STXBP6: variants seen among roughly 807,000 people sequenced by gnomAD.
STXBP6 encodes syntaxin-binding protein 6.
Under a neutral mutation model 26.9 loss-of-function variants are expected in STXBP6, and 21 were observed. That is an observed-to-expected ratio of 0.78 (90% CI 0.55 to 1.12). The LOEUF (loss-of-function observed/expected upper bound fraction) is 1.12, where lower values mean the gene tolerates loss of function less well. STXBP6 is among the 50% of genes most tolerant of loss of function. STXBP6 has a pLI of 0.00. For synonymous variants in STXBP6, 97 were observed against 92.6 expected, an observed-to-expected ratio of 1.05 and a Z score of -0.27; for missense variants, 232 against 257.9, an observed-to-expected ratio of 0.90 and a Z score of 0.69.
chr14:24,894,096 A>G (rs1486268803), intron 2 of STXBP6, among the ~76,000 whole-genome samples: 1 of 152,236 alleles, frequency 6.6e-6, no homozygotes, highest in Non-Finnish European at 1.5e-5. Context: ...GGTTTTAGAA[A>G]ATTAGGCAAG....
intron 2 of STXBP6, among the ~76,000 whole-genome samples, chr14:24,903,762 T>C (rs1401135270): frequency 5.3e-5 from 8 of 152,196 alleles, no homozygotes. Flanking sequence ...AACTTCACCA[T>C]TCACTCCAGT....
chr14:24,882,375 T>C (rs1216765115), intron 2 of STXBP6, among the ~76,000 whole-genome samples: 2 of 20,498 alleles, frequency 9.8e-5, no homozygotes, highest in Non-Finnish European at 1.5e-4. Flanking sequence ...CGAGACTCCG[T>C]CTCAAAAAAA....
chr14:25,036,519 A>G (rs1307620211), intron 1 of STXBP6, among the ~76,000 whole-genome samples: 1 of 152,124 alleles, frequency 6.6e-6, no homozygotes, highest in Non-Finnish European at 1.5e-5. Context: ...GTCTTGGGGA[A>G]AACTAATAGG....
At chr14:24,960,112 G>C (rs573548877) in intron 2 of STXBP6, among the ~76,000 whole-genome samples, 1 of 152,322 alleles carries the variant, frequency 6.6e-6, no homozygotes, top group Admixed American at 6.5e-5. Context: ...CATATGTTAG[G>C]ACACTTAGTC....
At chr14:24,828,076 A>G (rs1297254309) in intron 4 of STXBP6, among the ~76,000 whole-genome samples, 1 of 151,134 alleles carries the variant, frequency 6.6e-6, no homozygotes, top group Non-Finnish European at 1.5e-5. Context: ...CAAGCCTCAC[A>G]CTCAGATTTA....
At chr14:24,897,789 C>T (rs559442644) in intron 2 of STXBP6, among the ~76,000 whole-genome samples, 1 of 152,232 alleles carries the variant, frequency 6.6e-6, no homozygotes, top group South Asian at 2.1e-4. Flanking sequence ...GTAATCAGTA[C>T]CATGGCTCCT....
At chr14:25,042,557 C>T (rs890582064) in intron 1 of STXBP6, among the ~76,000 whole-genome samples, 18 of 152,194 alleles carry the variant, frequency 1.2e-4, no homozygotes, top group African/African-American at 3.9e-4. Flanking sequence ...GAAACTGTGG[C>T]GCAGATGTTA....
chr14:24,923,452 G>GA (rs1201605589), intron 2 of STXBP6, among the ~76,000 whole-genome samples: 3 of 151,798 alleles, frequency 2.0e-5, no homozygotes, highest in African/African-American at 7.3e-5. Context: ...GTTTCCTTAC[G>GA]AACTTGTCAG....
intron 2 of STXBP6, among the ~76,000 whole-genome samples, chr14:24,883,103 G>A (rs7141358): frequency 0.02 from 3,060 of 152,208 alleles, 117 homozygotes; most frequent in African/African-American, 0.069. Context: ...TAGTGACATG[G>A]AAAGATGTTC....
Position 24,974,681 on chromosome 14 carries a change from A to T in STXBP6, c.138T>A (p.Thr46=). Residue 46 remains threonine, a synonymous_variant, in exon 2 of 6, where the codon ACT becomes ACA. Coordinates refer to ENST00000323944, the MANE Select transcript of STXBP6 (RefSeq NM_001394410.1). ...LATGGQGEYL[T]YICLSVTNKK... The stretch of plus-strand genomic sequence containing the variant: ...TCTCATTACCTGACAGGCAGATATA[A>T]GTTAAATATTCGCCTTGACCTCCAG... The T allele has an allele frequency of 6.4e-7, 1 of 1,553,092 alleles. No individual in the cohort carries two copies.
At chr14:24,841,228 C>T (rs1011446783) in intron 4 of STXBP6, among the ~76,000 whole-genome samples, 38 of 152,118 alleles carry the variant, frequency 2.5e-4, no homozygotes, top group Middle Eastern at 3.2e-3. Flanking sequence ...TAGCTGGATA[C>T]AGAATTCTAG....
intron 1 of STXBP6, among the ~76,000 whole-genome samples, chr14:25,042,690 G>A (rs796501012): frequency 1.1e-4 from 16 of 152,274 alleles, no homozygotes; most frequent in African/African-American, 3.6e-4. Flanking sequence ...TGATCCACTC[G>A]ACAGCAGCAT....
intron 4 of STXBP6, among the ~76,000 whole-genome samples, chr14:24,826,180 A>G (rs2068276007): frequency 6.6e-6 from 1 of 152,188 alleles, no homozygotes. Flanking sequence ...TCTCTACACA[A>G]TGCTACTGGT....
At chr14:24,865,547 A>G (rs555046330) in intron 2 of STXBP6, among the ~76,000 whole-genome samples, 27 of 152,294 alleles carry the variant, frequency 1.8e-4, no homozygotes, top group African/African-American at 6.3e-4. Flanking sequence ...TATGTTTGTG[A>G]GGAAACTATC....
chr14:24,912,534 T>C (rs1028972478), intron 2 of STXBP6, among the ~76,000 whole-genome samples: 2 of 152,136 alleles, frequency 1.3e-5, no homozygotes, highest in Admixed American at 6.6e-5. Flanking sequence ...TATAGGAATT[T>C]GCAATTAGAT....
chr14:25,003,058 G>A (rs1047164207), intron 1 of STXBP6, among the ~76,000 whole-genome samples: 1 of 152,170 alleles, frequency 6.6e-6, no homozygotes, highest in Non-Finnish European at 1.5e-5. Flanking sequence ...TAAAGGTCAA[G>A]GAATCAAAGA....
chr14:24,972,977 G>C (rs534601569), intron 2 of STXBP6, among the ~76,000 whole-genome samples: 65 of 152,244 alleles, frequency 4.3e-4, no homozygotes, highest in Admixed American at 1.3e-3. Context: ...CATCAGCTGG[G>C]CATGGTGTTG....
At chr14:24,893,108 C>T (rs138942447) in intron 2 of STXBP6, among the ~76,000 whole-genome samples, 3 of 152,144 alleles carry the variant, frequency 2.0e-5, no homozygotes, top group African/African-American at 7.2e-5. Context: ...GTAGTAGATC[C>T]CAGAGACTCA....
chr14:24,977,547 CTCT>C (rs1193271186), intron 1 of STXBP6, among the ~76,000 whole-genome samples: 2 of 152,094 alleles, frequency 1.3e-5, no homozygotes, highest in African/African-American at 4.8e-5. Flanking sequence ...CTGGGTAAAT[CTCT>C]TAAAATTACA....
Sources: allele counts gnomAD v4.1 joint callset (sites outside exome capture counted in the v4.1 genomes callset), GRCh38; gene constraint gnomAD v4.1.1; transcripts MANE v1.5; gene names NCBI Gene and HGNC (gene_info 2026-07-23, HGNC 2026-07-21).